VPS37A: variants seen among roughly 807,000 people sequenced by gnomAD.
VPS37A encodes the protein vacuolar protein sorting-associated protein 37A.
A neutral mutation model predicts 49.8 loss-of-function variants in VPS37A; 30 were observed. The observed-to-expected ratio is 0.60, with a 90% confidence interval of 0.45 to 0.82. VPS37A has a LOEUF of 0.82. Among genes scored for constraint, VPS37A ranks in the 40% least tolerant of loss-of-function variants. VPS37A has a pLI of 0.00. For missense variants in VPS37A, 593 were observed against 464.4 expected (o/e 1.28, Z -2.55); for synonymous variants, 195 against 160.6 (o/e 1.21, Z -1.62).
At chr8:17,253,365 T>G (rs577695247) in intron 1 of VPS37A, among the ~76,000 whole-genome samples, 19 of 152,330 alleles carry the variant, frequency 1.2e-4, no homozygotes, top group African/African-American at 4.3e-4. Context: ...GAGTAATCTT[T>G]CTAAAATTCA....
chr8:17,257,122 C>G (rs1812537979), intron 1 of VPS37A, among the ~76,000 whole-genome samples: 1 of 152,128 alleles, frequency 6.6e-6, no homozygotes, highest in African/African-American at 2.4e-5. Flanking sequence ...GAGATAGGGT[C>G]TAGTTTCATT....
the VPS37A span, among the ~76,000 whole-genome samples, chr8:17,317,294 G>C: frequency 6.6e-6 from 1 of 152,168 alleles, no homozygotes; most frequent in South Asian, 2.1e-4. Flanking sequence ...GCCAAGCTTT[G>C]CTATGGGGGA....
chr8:17,279,907 G>A (rs779733448), intron 6 of VPS37A, 121 bp from the exon 7 acceptor site: 1 of 1,238,066 alleles, frequency 8.1e-7, no homozygotes, highest in Non-Finnish European at 1.2e-6. Flanking sequence ...AGCCTTAGGT[G>A]TATATGTAAA....
At position 17,247,188 on chromosome 8, in the gene VPS37A, C is replaced by T; in HGVS notation, c.-57C>T. The T allele has an allele frequency of 6.4e-7, 1 of 1,552,232 alleles. No homozygotes were observed. Among genetic ancestry groups the T allele is most frequent in the East Asian group, 2.4e-5 (1 of 41,126 alleles). ...TCGCTGGAGAACCGCCGGGCCGAGC[C>T]ACTGGGAGAAGCAGGCCAGAGCCTT... On this transcript the variant is annotated 5_prime_UTR_variant, in exon 1 of 12. Coordinates refer to ENST00000324849, the MANE Select transcript of VPS37A (RefSeq NM_152415.3).
downstream of VPS37A, among the ~76,000 whole-genome samples, chr8:17,303,114 ATAAG>A (rs1817235332): frequency 6.6e-6 from 1 of 152,204 alleles, no homozygotes; most frequent in Admixed American, 6.5e-5. Flanking sequence ...ATTTATGTAG[ATAAG>A]TAAGTACTTT....
rs997265551 is a variant in VPS37A, at chr8:17,275,271, C to T, written c.642+313C>T. The stretch of plus-strand genomic sequence containing the variant: ...AATGTGATTCTGGTTTTTTTCACCA[C>T]TTTCTTAGTGCCTCAAATATACTGA... On this transcript the variant is annotated intron_variant, in intron 5 of 11. Coordinates refer to ENST00000324849, the MANE Select transcript of VPS37A (RefSeq NM_152415.3). Among the ~76,000 whole-genome samples, 6 of 152,122 alleles carry T rather than the reference C, an allele frequency of 3.9e-5. No homozygotes were observed. The East Asian group carries it at 9.6e-4, about 24-fold the overall frequency.
chr8:17,304,893 C>A (rs7006273), downstream of VPS37A, among the ~76,000 whole-genome samples: 106,103 of 151,902 alleles, frequency 0.7, 38,135 homozygotes, highest in African/African-American at 0.86. Context: ...GCTGTGAGCT[C>A]TGTCTAATTT....
In VPS37A at chr8:17,247,106, T is replaced by G; in HGVS notation, c.-139T>G. 8.6e-7 allele frequency: 1 copy of G among 1,162,650 alleles called. No individual in the cohort carries two copies. Among genetic ancestry groups the G allele is most frequent in the Non-Finnish European group, 1.2e-6 (1 of 823,288 alleles). The allele number at this position is 1,162,650 out of a possible 1,614,324, so 72.0% of individuals were successfully genotyped here. A position where few individuals can be genotyped will look rare whatever the true frequency, so the allele number is the denominator to read the frequency against. ...CTCGGGGAGCGCAGGCAGGACAGGC[T>G]TAGAGAAGACGCGGTCCCCAGCGCT... On this transcript the variant is annotated 5_prime_UTR_variant, in exon 1 of 12. Coordinates refer to ENST00000324849, the MANE Select transcript of VPS37A (RefSeq NM_152415.3).
intron 10 of VPS37A, among the ~76,000 whole-genome samples, chr8:17,285,951 A>G (rs1815547780): frequency 1.3e-5 from 2 of 152,190 alleles, no homozygotes; most frequent in Non-Finnish European, 2.9e-5. Context: ...TGTCGTCAAC[A>G]TTAGCTATCT....
At chr8:17,287,132 T>G (rs1279737045) in intron 11 of VPS37A, among the ~76,000 whole-genome samples, 1 of 152,230 alleles carries the variant, frequency 6.6e-6, no homozygotes, top group Non-Finnish European at 1.5e-5. Flanking sequence ...TTAAGATGCC[T>G]TTCCTTTTCC....
intron 4 of VPS37A, among the ~76,000 whole-genome samples, chr8:17,270,903 A>G (rs1813918701): frequency 1.3e-5 from 2 of 152,188 alleles, no homozygotes; most frequent in Non-Finnish European, 1.5e-5. Flanking sequence ...CTGAAGAACA[A>G]TTCCTCTTGA....
At chr8:17,307,396 G>C (rs1395741554), downstream of VPS37A, among the ~76,000 whole-genome samples, 1 of 152,190 alleles carries the variant, frequency 6.6e-6, no homozygotes, top group Non-Finnish European at 1.5e-5. Flanking sequence ...ACAGGTGCTG[G>C]AGAGGATGTG....
At chr8:17,331,426 T>G in the VPS37A span, 1 of 828,282 alleles carries the variant, frequency 1.2e-6, no homozygotes, top group Non-Finnish European at 1.8e-6. Flanking sequence ...CACTGCAACC[T>G]TGTACTGAAC....
chr8:17,314,618 AC>A, the VPS37A span, among the ~76,000 whole-genome samples: 2 of 152,222 alleles, frequency 1.3e-5, no homozygotes, highest in Non-Finnish European at 2.9e-5. Context: ...AAAGCCACAC[AC>A]AAAAAAGCAC....
chr8:17,317,119 C>G, the VPS37A span, among the ~76,000 whole-genome samples: 1 of 152,038 alleles, frequency 6.6e-6, no homozygotes, highest in Non-Finnish European at 1.5e-5. Context: ...TTAGAATTTG[C>G]TTGCTTATAT....
At chr8:17,305,806 G>C (rs773325444), downstream of VPS37A, 17 of 1,613,476 alleles carry the variant, frequency 1.1e-5, no homozygotes, top group Non-Finnish European at 1.4e-5. Flanking sequence ...TTTCCAAACT[G>C]GCAGGAATAA....
At chr8:17,298,784 G>T (rs2246121), downstream of VPS37A, 3 of 152,372 alleles carry the variant, frequency 2.0e-5, no homozygotes, top group Non-Finnish European at 4.4e-5. Flanking sequence ...TAAGATAGGG[G>T]AGGGACTCTC....
Position 17,295,165 on chromosome 8 carries a change from G to C in VPS37A, c.*179G>C, listed in dbSNP as rs143221563. 10 of 152,698 alleles carry C rather than the reference G, an allele frequency of 6.5e-5. No individual in the cohort carries two copies. The East Asian group carries it at 1.7e-3, about 27-fold the overall frequency. 9.5% of individuals were successfully genotyped at this position (152,698 alleles called of 1,614,324 possible). A position where few individuals can be genotyped will look rare whatever the true frequency, so the allele number is the denominator to read the frequency against. ...GATTAGAATGATTGCTATGATCTTTGAGAAATTTTTCTGCACTATTTGCAC... is the reference window on the plus strand; with the variant it reads ...GATTAGAATGATTGCTATGATCTTTCAGAAATTTTTCTGCACTATTTGCAC... On this transcript the variant is annotated 3_prime_UTR_variant, in exon 12 of 12. Coordinates refer to ENST00000324849, the MANE Select transcript of VPS37A (RefSeq NM_152415.3).
At position 17,247,821 on chromosome 8, in the gene VPS37A, CAG is replaced by C. The variant is rs1453783544; in HGVS notation, c.125+455_125+456del. ...TTGCAACATCAAAGGAAAGGGAAGC[CAG>C]AGTTTTCATCAGTGAATGCTTCTCG... is the stretch of plus-strand genomic sequence containing the variant. On this transcript the variant is annotated intron_variant, in intron 1 of 11. Coordinates refer to ENST00000324849, the MANE Select transcript of VPS37A (RefSeq NM_152415.3). The C allele has an allele frequency of 1.0e-5, 7 of 698,718 alleles. No individual in the cohort carries two copies. The East Asian group carries it at 1.9e-4, about 19-fold the overall frequency. 43.3% of individuals were successfully genotyped at this position (698,718 alleles called of 1,614,324 possible). A position where few individuals can be genotyped will look rare whatever the true frequency, so the allele number is the denominator to read the frequency against.
Sources: gnomAD v4.1 joint callset for allele counts (sites outside exome capture counted in the v4.1 genomes callset) on GRCh38, gnomAD v4.1.1 for gene constraint, MANE v1.5 for transcripts, NCBI Gene and HGNC (gene_info 2026-07-23, HGNC 2026-07-21) for gene names.